The following DPP10 variants were observed in gnomAD, a reference collection of about 807,000 sequenced individuals.
DPP10 encodes dipeptidyl peptidase like 10.
In DPP10, 33 loss-of-function variants were observed where a neutral mutation model predicts 120.9. That is an observed-to-expected ratio of 0.27 (90% confidence interval 0.21 to 0.37). DPP10 has a LOEUF of 0.37. DPP10 is among the 10% of genes least tolerant of loss of function. DPP10 has a pLI of 1.00. For synonymous variants in DPP10, 337 were observed against 326.1 expected, an observed-to-expected ratio of 1.03 and a Z score of -0.36; for missense variants, 816 against 942.8, an observed-to-expected ratio of 0.87 and a Z score of 1.76.
At chr2:115,053,142 A>G (rs897081924) in intron 1 of DPP10, among the ~76,000 whole-genome samples, 51 of 152,278 alleles carry the variant, frequency 3.3e-4, no homozygotes, top group African/African-American at 1.2e-3. Flanking sequence ...CAGGCGACTG[A>G]AAATAGTTGT....
intron 17 of DPP10, 36 bp downstream of exon 17, chr2:115,782,435 GT>G (rs780533317): frequency 6.4e-7 from 1 of 1,568,016 alleles, no homozygotes. Flanking sequence ...AATAGTTATG[GT>G]TGGCATTAGT....
At chr2:115,606,139 C>T (rs2083690022) in intron 5 of DPP10, among the ~76,000 whole-genome samples, 1 of 152,074 alleles carries the variant, frequency 6.6e-6, no homozygotes, top group African/African-American at 2.4e-5. Context: ...GATATTTGCT[C>T]ACAAAATTAT....
intron 1 of DPP10, among the ~76,000 whole-genome samples, chr2:114,996,818 T>TA (rs1406909789): frequency 9.9e-5 from 15 of 151,390 alleles, no homozygotes; most frequent in Admixed American, 5.9e-4. Flanking sequence ...TCCGTCTCTA[T>TA]AAAAATACAA....
intron 1 of DPP10, among the ~76,000 whole-genome samples, chr2:114,500,554 A>G (rs1573503353): frequency 6.6e-6 from 1 of 152,206 alleles, no homozygotes; most frequent in East Asian, 1.9e-4. Context: ...GGACCCAGTC[A>G]GCCTAACGGC....
At chr2:115,468,836 T>C in intron 3 of DPP10, 1 of 430,956 alleles carries the variant, frequency 2.3e-6, no homozygotes, top group Non-Finnish European at 4.5e-6. Flanking sequence ...TCAGCAGGGC[T>C]CTGCTGAAGA....
intron 1 of DPP10, among the ~76,000 whole-genome samples, chr2:114,791,828 A>G: frequency 6.6e-6 from 1 of 152,230 alleles, no homozygotes; most frequent in East Asian, 1.9e-4. Flanking sequence ...GAAAATGCAA[A>G]CACGTTTAGC....
Position 114,934,575 on chromosome 2 carries a change from G to T in DPP10, c.61-374664G>T, listed in dbSNP as rs191001523. Among the ~76,000 whole-genome samples, 98 of 152,090 alleles carry T rather than the reference G, an allele frequency of 6.4e-4. No individual in the cohort carries two copies. In the Middle Eastern group the frequency reaches 0.021, roughly 32 times the overall value. On this transcript the variant is annotated intron_variant, in intron 1 of 25. Transcript: ENST00000410059. ...GGCAGAGTAAAATCTACAAATAAGT[G>T]GACCCCTGTAGTTGAAATCTGTGTC...
rs1684298453 is a variant in DPP10 at position 115,794,228 on chromosome 2, GA to G, written c.1700+2873del. On this transcript the variant is annotated intron_variant, in intron 19 of 25. Coordinates refer to ENST00000410059, the MANE Select transcript of DPP10 (RefSeq NM_020868.6). ...ATATATCTGGTAGCCAACAGAATAT[GA>G]GCCATTTCTTGATCTGTAGTGATGG... Among the ~76,000 whole-genome samples, 3 of 152,228 alleles carry G rather than the reference GA, an allele frequency of 2.0e-5. No individual in the cohort carries two copies. In the South Asian group the frequency reaches 6.2e-4, roughly 32 times the overall value.
chr2:115,173,340 GT>G (rs1439258671), intron 1 of DPP10, among the ~76,000 whole-genome samples: 17 of 152,260 alleles, frequency 1.1e-4, no homozygotes, highest in African/African-American at 4.1e-4. Context: ...GGCAATTTTA[GT>G]TAAGGAAAAC....
intron 1 of DPP10, chr2:115,162,416 G>A (rs1377438828): frequency 8.2e-7 from 1 of 1,226,784 alleles, no homozygotes; most frequent in African/African-American, 1.6e-5. Flanking sequence ...GCCGCTCACC[G>A]GGTTCGAGCC....
intron 1 of DPP10, among the ~76,000 whole-genome samples, chr2:115,052,242 G>T (rs1013232484): frequency 1.3e-5 from 2 of 151,936 alleles, no homozygotes. Flanking sequence ...GAAAATATAC[G>T]TGCAAATTTC....
chr2:115,112,935 G>T (rs140467187), intron 1 of DPP10, among the ~76,000 whole-genome samples: 2 of 151,834 alleles, frequency 1.3e-5, no homozygotes, highest in African/African-American at 4.8e-5. Context: ...TGGTATTTTC[G>T]TTCACATTTG....
chr2:115,473,825 G>A (rs193001883), intron 3 of DPP10, among the ~76,000 whole-genome samples: 113 of 152,232 alleles, frequency 7.4e-4, no homozygotes, highest in African/African-American at 2.5e-3. Flanking sequence ...GACCTCCAAG[G>A]TGTGTGTGTA....
chr2:115,296,599 G>T (rs2060894351), intron 1 of DPP10, among the ~76,000 whole-genome samples: 1 of 152,046 alleles, frequency 6.6e-6, no homozygotes, highest in Admixed American at 6.6e-5. Context: ...GGCCAGGATA[G>T]ATTTGATCTT....
intron 3 of DPP10, among the ~76,000 whole-genome samples, chr2:115,375,677 G>C (rs1182941383): frequency 6.6e-6 from 1 of 152,170 alleles, no homozygotes; most frequent in African/African-American, 2.4e-5. Context: ...AGGTTTAATT[G>C]AATCACAGTT....
chr2:115,325,263 G>T (rs986926653), intron 2 of DPP10, among the ~76,000 whole-genome samples: 1 of 152,076 alleles, frequency 6.6e-6, no homozygotes, highest in East Asian at 1.9e-4. Flanking sequence ...GAGTATGCTT[G>T]TATTGACCAG....
intron 19 of DPP10, among the ~76,000 whole-genome samples, chr2:115,806,743 C>A (rs1686020256): frequency 6.6e-6 from 1 of 152,146 alleles, no homozygotes. Flanking sequence ...ATTGCCCTCT[C>A]CTTGAAAAAA....
intron 7 of DPP10, among the ~76,000 whole-genome samples, chr2:115,690,445 A>T (rs1263615051): frequency 6.6e-6 from 1 of 152,122 alleles, no homozygotes; most frequent in African/African-American, 2.4e-5. Flanking sequence ...ATTTTAGGCA[A>T]AGTCTTGCTC....
At chr2:115,238,707 C>T (rs570728184) in intron 1 of DPP10, among the ~76,000 whole-genome samples, 3 of 152,182 alleles carry the variant, frequency 2.0e-5, no homozygotes, top group African/African-American at 7.2e-5. Flanking sequence ...AATTTACTCC[C>T]AGTAAATACG....
Sources: allele counts gnomAD v4.1 joint callset (sites outside exome capture counted in the v4.1 genomes callset), GRCh38; gene constraint gnomAD v4.1.1; transcripts MANE v1.5; gene names NCBI Gene and HGNC (gene_info 2026-07-23, HGNC 2026-07-21).